The following KCNIP1 variants were observed in gnomAD, a reference collection of about 807,000 sequenced individuals.
The protein encoded by KCNIP1 is A-type potassium channel modulatory protein KCNIP1.
A neutral mutation model predicts 33.0 loss-of-function variants in KCNIP1; 18 were observed. That is an observed-to-expected ratio of 0.55 (90% CI 0.38 to 0.81). The LOEUF is 0.81. KCNIP1 is among the 30% of genes least tolerant of loss of function. KCNIP1 has a pLI of 0.00. For synonymous variants in KCNIP1, 93 were observed against 98.3 expected, an observed-to-expected ratio of 0.95 and a Z score of 0.32; for missense variants, 238 against 271.6, an observed-to-expected ratio of 0.88 and a Z score of 0.87.
At position 170,490,758 on chromosome 5, in the gene KCNIP1, A is replaced by G. The variant is rs373990868; in HGVS notation, c.88+136794A>G. ...CACGGAGCACCACAGGCCCGCTGTA[A>G]TCTGGCCTCTGTCTCCTCTCCAACC... On this transcript the variant is annotated intron_variant, in intron 1 of 7. Coordinates refer to the KCNIP1 transcript ENST00000377360. Among the ~76,000 whole-genome samples the G allele has an allele frequency of 1.6e-4, 25 of 152,242 alleles. No homozygotes were observed. The South Asian group carries it at 5.2e-3, about 32-fold the overall frequency.
chr5:170,483,177 C>T (rs1757013638), intron 1 of KCNIP1: 1 of 414,816 alleles, frequency 2.4e-6, no homozygotes, highest in Non-Finnish European at 4.8e-6. Context: ...TGCCTCTCAT[C>T]CAGGCCTGAA....
chr5:170,633,791 T>G, intron 1 of KCNIP1, among the ~76,000 whole-genome samples: 2 of 141,318 alleles, frequency 1.4e-5, no homozygotes, highest in Non-Finnish European at 3.1e-5. Flanking sequence ...GGTGTGGCTG[T>G]GCGTCTGGAT....
chr5:170,366,657 G>A (rs544758874), intron 1 of KCNIP1, among the ~76,000 whole-genome samples: 12 of 152,362 alleles, frequency 7.9e-5, no homozygotes, highest in Admixed American at 4.6e-4. Context: ...TGTCCTCAGT[G>A]TAAGGGTGGG....
rs10525595 is a variant in KCNIP1 at position 170,597,784 on chromosome 5, AATATATATATATATATAT to A, written c.61+93180_61+93197del. On this transcript the variant is annotated intron_variant, in intron 1 of 7. Transcript: ENST00000328939. ...ACTTCTGATGCTGGAGAGAGAGATA[AATATATATATATATATAT>A]ATATATATATATATATATATATATA... Among the ~76,000 whole-genome samples the A allele has an allele frequency of 6.2e-4, 84 of 134,482 alleles. 1 individual carries two copies. Among genetic ancestry groups the A allele is most frequent in the African/African-American group, 1.7e-3 (55 of 32,646 alleles). 88.2% of individuals were successfully genotyped at this position (134,482 alleles called of 152,430 possible).
intron 1 of KCNIP1, among the ~76,000 whole-genome samples, chr5:170,544,138 C>T (rs535232319): frequency 3.9e-5 from 6 of 152,038 alleles, no homozygotes; most frequent in African/African-American, 1.2e-4. Context: ...AGAGACCGGG[C>T]GTGGTGGCTC....
rs527325479 is a variant in KCNIP1, at chr5:170,512,768, G to A, written c.61+8135G>A. On this transcript the variant is annotated intron_variant, in intron 1 of 7. Transcript: ENST00000328939. ...GAGCTTGTTAGAAATACAGAGTCCC[G>A]GCCAGGCGCGGTGGCTCACGCCTGT... Among the ~76,000 whole-genome samples the A allele has an allele frequency of 7.3e-4, 111 of 152,148 alleles. 1 individual carries two copies. The highest frequency in any genetic ancestry group is 1.2e-3 in the Admixed American group (19 of 15,280).
intron 1 of KCNIP1, among the ~76,000 whole-genome samples, chr5:170,406,608 G>A (rs994116783): frequency 2.6e-5 from 4 of 152,142 alleles, no homozygotes; most frequent in Non-Finnish European, 5.9e-5. Context: ...CTTCAGCAGG[G>A]GCCAGTAAGC....
At chr5:170,726,261 T>C (rs2113883923) in intron 5 of KCNIP1, among the ~76,000 whole-genome samples, 1 of 152,210 alleles carries the variant, frequency 6.6e-6, no homozygotes, top group Middle Eastern at 3.4e-3. Context: ...ATCCAAAATA[T>C]ATAAGGGACA....
At chr5:170,509,752 C>A (rs1021823143) in intron 1 of KCNIP1, among the ~76,000 whole-genome samples, 3 of 152,202 alleles carry the variant, frequency 2.0e-5, no homozygotes, top group African/African-American at 7.2e-5. Flanking sequence ...CATTGATAGT[C>A]ATCTCCCCAA....
chr5:170,573,424 T>C (rs1330522070), intron 1 of KCNIP1, among the ~76,000 whole-genome samples: 2 of 152,206 alleles, frequency 1.3e-5, no homozygotes, highest in East Asian at 1.9e-4. Flanking sequence ...CTCCAGCGTC[T>C]ATGAATTCTC....
chr5:170,534,668 A>C (rs181050721), intron 1 of KCNIP1, among the ~76,000 whole-genome samples: 107 of 151,800 alleles, frequency 7.0e-4, no homozygotes, highest in Non-Finnish European at 1.1e-3. Flanking sequence ...ACAGGCAGGC[A>C]CCACCATGCC....
At chr5:170,409,860 G>A (rs143649544) in intron 1 of KCNIP1, among the ~76,000 whole-genome samples, 57 of 152,322 alleles carry the variant, frequency 3.7e-4, no homozygotes, top group African/African-American at 1.3e-3. Flanking sequence ...TCTCCTCTGG[G>A]TTGTCATGAG....
chr5:170,527,235 C>T (rs1022230421), intron 1 of KCNIP1, among the ~76,000 whole-genome samples: 12 of 152,180 alleles, frequency 7.9e-5, no homozygotes, highest in African/African-American at 2.9e-4. Flanking sequence ...CAGGGTCTGA[C>T]ACATGGCAGA....
At chr5:170,646,484 G>GA (rs758038219) in intron 1 of KCNIP1, among the ~76,000 whole-genome samples, 1 of 152,024 alleles carries the variant, frequency 6.6e-6, no homozygotes, top group Admixed American at 6.6e-5. Flanking sequence ...GGCTAAAGAA[G>GA]AAAAATCATA....
intron 1 of KCNIP1, chr5:170,383,861 C>G: frequency 6.2e-7 from 1 of 1,612,734 alleles, no homozygotes; most frequent in Non-Finnish European, 8.5e-7. Context: ...CTGAGGAGAC[C>G]ACACACATGC....
intron 1 of KCNIP1, among the ~76,000 whole-genome samples, chr5:170,624,683 G>C (rs4868000): frequency 0.34 from 47,081 of 138,476 alleles, 8,537 homozygotes; most frequent in East Asian, 0.57. Flanking sequence ...CTTGTGTGGA[G>C]GGGAGGAGAG....
chr5:170,656,566 G>A (rs1444584556), intron 1 of KCNIP1, among the ~76,000 whole-genome samples: 1 of 152,196 alleles, frequency 6.6e-6, no homozygotes, highest in African/African-American at 2.4e-5. Context: ...GACCCTGTGA[G>A]CACCCACAAC....
At chr5:170,710,015 G>A (rs191297) in intron 1 of KCNIP1, among the ~76,000 whole-genome samples, 34,845 of 151,978 alleles carry the variant, frequency 0.23, 4,120 homozygotes, top group South Asian at 0.31. Context: ...CTACAGGCGC[G>A]CACCACCATG....
intron 1 of KCNIP1, among the ~76,000 whole-genome samples, chr5:170,556,235 A>T (rs1329422075): frequency 6.6e-6 from 1 of 152,188 alleles, no homozygotes; most frequent in Non-Finnish European, 1.5e-5. Flanking sequence ...GGGTGAGGCC[A>T]GTTGGTCTTG....
Sources: gnomAD v4.1 joint callset for allele counts (sites outside exome capture counted in the v4.1 genomes callset) on GRCh38, gnomAD v4.1.1 for gene constraint, MANE v1.5 for transcripts, NCBI Gene and HGNC (gene_info 2026-07-23, HGNC 2026-07-21) for gene names.